The following MED12L variants were observed in gnomAD, a reference collection of about 807,000 sequenced individuals.
The protein encoded by MED12L is mediator complex subunit 12L.
Under a neutral mutation model 281.3 loss-of-function variants are expected in MED12L, and 60 were observed. That is an observed-to-expected ratio of 0.21 (90% CI 0.17 to 0.26). The LOEUF is 0.26. Among genes scored for constraint, MED12L ranks in the 10% least tolerant of loss-of-function variants. The pLI is 1.00. For missense variants in MED12L, 2,146 were observed against 2,680.9 expected, an observed-to-expected ratio of 0.80 and a Z score of 4.41; for synonymous variants, 974 against 987.2, an observed-to-expected ratio of 0.99 and a Z score of 0.25.
At chr3:151,185,961 TACATGTGCACATGTGTATAAGA>T (rs1723209018) in intron 12 of MED12L, among the ~76,000 whole-genome samples, 1 of 152,238 alleles carries the variant, frequency 6.6e-6, no homozygotes, top group Non-Finnish European at 1.5e-5. Flanking sequence ...ATGTGCAATA[TACATGTGCACATGTGTATAAGA>T]TATACCAACT....
chr3:151,121,357 A>G lies in MED12L; in HGVS notation c.205-1426A>G, dbSNP rs117028175. On this transcript the variant is annotated intron_variant, in intron 3 of 44. Transcript: ENST00000687756. Reference sequence around the variant, plus strand: ...TACTTATTCTAATTTTTATTATTGTATTACGTTAACACACCAAAACCAGAC... The same window carrying G: ...TACTTATTCTAATTTTTATTATTGTGTTACGTTAACACACCAAAACCAGAC... 1.3e-4 allele frequency among the ~76,000 whole-genome samples: 20 copies of G among 152,346 alleles called. 1 individual carries two copies. The East Asian group carries it at 3.3e-3, about 25-fold the overall frequency.
At chr3:151,245,340 C>T in intron 16 of MED12L, among the ~76,000 whole-genome samples, 1 of 151,926 alleles carries the variant, frequency 6.6e-6, no homozygotes, top group East Asian at 1.9e-4. Context: ...AGACCAATAT[C>T]CTTGATGAAC....
At chr3:151,304,567 C>CA (rs202110811) in intron 16 of MED12L, among the ~76,000 whole-genome samples, 3 of 144,730 alleles carry the variant, frequency 2.1e-5, no homozygotes, top group Admixed American at 7.0e-5. Flanking sequence ...GAGACTGTCT[C>CA]AAAAAAAAAT....
At chr3:151,151,285 C>G (rs1403999207) in intron 5 of MED12L, among the ~76,000 whole-genome samples, 1 of 151,872 alleles carries the variant, frequency 6.6e-6, no homozygotes, top group Non-Finnish European at 1.5e-5. Flanking sequence ...GATCCGCATG[C>G]CTCTGCCTCC....
intron 5 of MED12L, among the ~76,000 whole-genome samples, chr3:151,146,297 C>G (rs535388200): frequency 1.3e-5 from 2 of 152,278 alleles, no homozygotes; most frequent in South Asian, 4.2e-4. Context: ...ATCTGCATTG[C>G]CTGAAATGTC....
chr3:151,407,563 G>C (rs140411797), intron 39 of MED12L, among the ~76,000 whole-genome samples: 1,570 of 152,328 alleles, frequency 0.01, 29 homozygotes, highest in South Asian at 0.045. Context: ...GGAGGATCAA[G>C]AGCCATTTGG....
At chr3:151,387,038 A>G (rs573228654) in intron 36 of MED12L, among the ~76,000 whole-genome samples, 156 of 152,326 alleles carry the variant, frequency 1.0e-3, no homozygotes, top group African/African-American at 3.6e-3. Context: ...GAAGCTACTC[A>G]TAAAAGAATG....
At chr3:151,242,134 G>A (rs1288735145) in intron 16 of MED12L, among the ~76,000 whole-genome samples, 7 of 152,332 alleles carry the variant, frequency 4.6e-5, no homozygotes, top group African/African-American at 1.7e-4. Context: ...CGCCCATGGA[G>A]TCTCGCTGAT....
intron 16 of MED12L, among the ~76,000 whole-genome samples, chr3:151,277,279 C>T (rs1742039710): frequency 6.6e-6 from 1 of 151,682 alleles, no homozygotes; most frequent in African/African-American, 2.4e-5. Context: ...TGTGTGCACA[C>T]AATTGTATGC....
At chr3:151,245,827 A>G (rs1735315643) in intron 16 of MED12L, among the ~76,000 whole-genome samples, 1 of 150,174 alleles carries the variant, frequency 6.7e-6, no homozygotes, top group Non-Finnish European at 1.5e-5. Flanking sequence ...AGGAAGTCAA[A>G]TTGTCCCTGT....
chr3:151,401,595 CT>C lies in MED12L; in HGVS notation c.5820+6732del, dbSNP rs1208440380. On this transcript the variant is annotated intron_variant, in intron 39 of 44. Coordinates refer to ENST00000687756, the MANE Select transcript of MED12L (RefSeq NM_001393769.1). ...ACTTTGCTAGCTATTCAGGTTTTCC[CT>C]TTTGTAAATTTCCTGATCATATAAA... Among the ~76,000 whole-genome samples the C allele has an allele frequency of 2.0e-5, 3 of 152,124 alleles. No homozygotes were observed. In the East Asian group the frequency reaches 5.8e-4, roughly 29 times the overall value.
chr3:151,154,741 G>A (rs1201046510), intron 5 of MED12L, among the ~76,000 whole-genome samples: 1 of 152,110 alleles, frequency 6.6e-6, no homozygotes, highest in Non-Finnish European at 1.5e-5. Context: ...TCTGATGGTT[G>A]GTATTTCGTT....
At position 151,113,378 on chromosome 3, in the gene MED12L, G is replaced by T. The variant is rs560507325; in HGVS notation, c.100-2960G>T. 6.6e-4 allele frequency among the ~76,000 whole-genome samples: 101 copies of T among 152,290 alleles called. 1 individual carries two copies. In the South Asian group the frequency reaches 0.014, roughly 21 times the overall value. ...TTAGGGATGAGACCAGAAAGGTAAT[G>T]GGGTTAAGATCACACAGGAACTTTT... On this transcript the variant is annotated intron_variant, in intron 2 of 44. Coordinates refer to ENST00000687756, the MANE Select transcript of MED12L (RefSeq NM_001393769.1).
intron 16 of MED12L, among the ~76,000 whole-genome samples, chr3:151,274,186 T>C (rs1741472473): frequency 6.6e-6 from 1 of 152,252 alleles, no homozygotes; most frequent in Non-Finnish European, 1.5e-5. Context: ...GTGCACTTTG[T>C]ATTTCAAATT....
At chr3:151,239,357 A>G (rs1438327467) in intron 16 of MED12L, among the ~76,000 whole-genome samples, 1 of 152,240 alleles carries the variant, frequency 6.6e-6, no homozygotes, top group Non-Finnish European at 1.5e-5. Flanking sequence ...CTGTCAAAGA[A>G]GAAAATCCAG....
chr3:151,413,522 C>T (rs1195663565), intron 42 of MED12L, among the ~76,000 whole-genome samples: 1 of 152,144 alleles, frequency 6.6e-6, no homozygotes, highest in Non-Finnish European at 1.5e-5. Context: ...TTTTGCAGAA[C>T]ATTCTTCCCA....
At chr3:151,389,068 G>C (rs1463087089) in intron 37 of MED12L, among the ~76,000 whole-genome samples, 3 of 152,130 alleles carry the variant, frequency 2.0e-5, no homozygotes, top group Non-Finnish European at 4.4e-5. Context: ...TTTTAGAAAT[G>C]ACCACCACCA....
chr3:151,158,896 T>C (rs1396428093), intron 7 of MED12L, 97 bp downstream of exon 7: 1 of 794,164 alleles, frequency 1.3e-6, no homozygotes, highest in Admixed American at 2.5e-5. Context: ...GGAAAAAATA[T>C]CCTGTTGAAA....
At chr3:151,097,694 C>T (rs1391699684) in intron 2 of MED12L, among the ~76,000 whole-genome samples, 1 of 152,080 alleles carries the variant, frequency 6.6e-6, no homozygotes, top group Non-Finnish European at 1.5e-5. Context: ...TTTTGGGTTG[C>T]CACAACTGGG....
Sources: allele counts gnomAD v4.1 joint callset (sites outside exome capture counted in the v4.1 genomes callset), GRCh38; gene constraint gnomAD v4.1.1; transcripts MANE v1.5; gene names NCBI Gene and HGNC (gene_info 2026-07-23, HGNC 2026-07-21).